Variants in ABTB3 observed in about 807,000 individuals in gnomAD.
The protein encoded by ABTB3 is ankyrin repeat- and BTB/POZ domain-containing protein 3.
At chr12:107,472,050 TG>T in the ABTB3 span, among the ~76,000 whole-genome samples, 1 of 152,172 alleles carries the variant, frequency 6.6e-6, no homozygotes, top group Non-Finnish European at 1.5e-5. Flanking sequence ...AGGAAAGAGC[TG>T]GCTACCATCA....
At chr12:107,321,363 G>C in the ABTB3 span, among the ~76,000 whole-genome samples, 2 of 152,176 alleles carry the variant, frequency 1.3e-5, no homozygotes, top group Non-Finnish European at 2.9e-5. Flanking sequence ...AAGCGGGCGC[G>C]CAGGGCGCCC....
chr12:107,381,671 T>C, the ABTB3 span, among the ~76,000 whole-genome samples: 1 of 152,210 alleles, frequency 6.6e-6, no homozygotes, highest in African/African-American at 2.4e-5. Context: ...GTTGGGGCTG[T>C]ATCCTAAGGG....
At chr12:107,418,857 A>G in the ABTB3 span, among the ~76,000 whole-genome samples, 2 of 152,206 alleles carry the variant, frequency 1.3e-5, no homozygotes, top group Non-Finnish European at 2.9e-5. Context: ...CTTTCCCCAA[A>G]TCCCATTTTA....
chr12:107,569,270 G>T, the ABTB3 span, among the ~76,000 whole-genome samples: 1 of 152,156 alleles, frequency 6.6e-6, no homozygotes, highest in Non-Finnish European at 1.5e-5. Flanking sequence ...ATTCTGCTTG[G>T]TGTTTTAGAA....
the ABTB3 span, among the ~76,000 whole-genome samples, chr12:107,534,500 G>A: frequency 6.6e-6 from 1 of 151,992 alleles, no homozygotes; most frequent in African/African-American, 2.4e-5. Context: ...AAGGATCAAT[G>A]AAATAAAAAG....
At chr12:107,571,375 C>A in the ABTB3 span, among the ~76,000 whole-genome samples, 1 of 152,344 alleles carries the variant, frequency 6.6e-6, no homozygotes, top group African/African-American at 2.4e-5. Context: ...ACATCAGCAC[C>A]AGATGTGAAG....
At chr12:107,580,819 C>G in the ABTB3 span, 5 of 1,526,978 alleles carry the variant, frequency 3.3e-6, no homozygotes, top group African/African-American at 5.5e-5. Flanking sequence ...GTGACTCATC[C>G]TTATGTTCAC....
At chr12:107,375,444 A>C in the ABTB3 span, among the ~76,000 whole-genome samples, 3 of 151,512 alleles carry the variant, frequency 2.0e-5, no homozygotes, top group Admixed American at 6.6e-5. Flanking sequence ...CATCATCATC[A>C]TCATCATCAT....
the ABTB3 span, chr12:107,610,269 C>T: frequency 1.2e-5 from 20 of 1,614,112 alleles, no homozygotes; most frequent in South Asian, 4.4e-5. Context: ...CCTGGGTTTC[C>T]GGATGCTGAA....
At chr12:107,508,823 C>T in the ABTB3 span, among the ~76,000 whole-genome samples, 3 of 152,190 alleles carry the variant, frequency 2.0e-5, no homozygotes, top group African/African-American at 7.2e-5. Context: ...TATCACACCA[C>T]ATGGCGTTAT....
the ABTB3 span, among the ~76,000 whole-genome samples, chr12:107,438,134 C>A: frequency 2.6e-5 from 4 of 152,122 alleles, no homozygotes; most frequent in Non-Finnish European, 5.9e-5. Flanking sequence ...TACAACCAGG[C>A]GCCGAGGCAT....
At chr12:107,376,160 C>G in the ABTB3 span, among the ~76,000 whole-genome samples, 6 of 152,176 alleles carry the variant, frequency 3.9e-5, no homozygotes, top group East Asian at 1.2e-3. Context: ...CTCTCCCTCC[C>G]TCACCACCCT....
At chr12:107,469,178 A>G in the ABTB3 span, among the ~76,000 whole-genome samples, 1 of 152,212 alleles carries the variant, frequency 6.6e-6, no homozygotes, top group African/African-American at 2.4e-5. Flanking sequence ...GGACGGCCAC[A>G]GGCCTCCCCT....
the ABTB3 span, among the ~76,000 whole-genome samples, chr12:107,499,998 T>C: frequency 6.0e-4 from 92 of 152,246 alleles, no homozygotes; most frequent in Admixed American, 6.0e-3. Flanking sequence ...CAAACACTTT[T>C]AAACCATCAG....
the ABTB3 span, among the ~76,000 whole-genome samples, chr12:107,588,572 G>C: frequency 1.3e-5 from 2 of 152,294 alleles, no homozygotes; most frequent in East Asian, 3.9e-4. Context: ...CCAAGCTGGA[G>C]TGCAGTGGCA....
chr12:107,319,882 C>G, the ABTB3 span: 2 of 1,307,606 alleles, frequency 1.5e-6, no homozygotes, highest in Non-Finnish European at 2.0e-6. Flanking sequence ...GCAGCTGTTG[C>G]GCCCCGCCGG....
the ABTB3 span, among the ~76,000 whole-genome samples, chr12:107,529,875 T>A: frequency 6.6e-6 from 1 of 152,220 alleles, no homozygotes; most frequent in Admixed American, 6.5e-5. Flanking sequence ...CTTTTGAAAC[T>A]CAGTAGGGAA....
the ABTB3 span, among the ~76,000 whole-genome samples, chr12:107,371,089 C>A: frequency 6.6e-6 from 1 of 152,006 alleles, no homozygotes; most frequent in East Asian, 1.9e-4. Flanking sequence ...TCCCTTCCCC[C>A]CAACCTTATG....
the ABTB3 span, among the ~76,000 whole-genome samples, chr12:107,558,417 G>A: frequency 6.6e-6 from 1 of 152,216 alleles, no homozygotes; most frequent in Non-Finnish European, 1.5e-5. Context: ...TGTAGGAGTT[G>A]ATCGGTGCCT....
Sources: gnomAD v4.1 joint callset for allele counts (sites outside exome capture counted in the v4.1 genomes callset) on GRCh38, gnomAD v4.1.1 for gene constraint, MANE v1.5 for transcripts, NCBI Gene and HGNC (gene_info 2026-07-23, HGNC 2026-07-21) for gene names.